Variants in PTPRD observed in about 807,000 individuals in gnomAD.
PTPRD encodes the protein receptor-type tyrosine-protein phosphatase delta.
A neutral mutation model predicts 214.5 loss-of-function variants in PTPRD; 34 were observed. The observed-to-expected ratio is 0.16, with a 90% CI of 0.12 to 0.21. The LOEUF is 0.21. Among genes scored for constraint, PTPRD ranks in the 10% least tolerant of loss-of-function variants. The probability of loss-of-function intolerance (pLI) is 1.00; values close to 1 mark genes in which losing one functional copy is unlikely to be tolerated. For missense variants in PTPRD, 2,545 were observed against 2,398.7 expected, an observed-to-expected ratio of 1.06 and a Z score of -1.27; for synonymous variants, 1,128 against 845.7, an observed-to-expected ratio of 1.33 and a Z score of -5.79.
intron 12 of PTPRD, among the ~76,000 whole-genome samples, chr9:8,683,952 C>G (rs995329915): frequency 1.3e-5 from 2 of 152,114 alleles, no homozygotes; most frequent in African/African-American, 4.8e-5. Flanking sequence ...TCTGAGGAGT[C>G]CTAACTGTAC....
chr9:8,712,945 C>T (rs13294608), intron 12 of PTPRD, among the ~76,000 whole-genome samples: 46,680 of 152,076 alleles, frequency 0.31, 7,402 homozygotes, highest in Non-Finnish European at 0.34. Context: ...TCTCAAACTC[C>T]TGACCTCAGG....
chr9:8,616,110 T>C (rs905803230), intron 14 of PTPRD, among the ~76,000 whole-genome samples: 1 of 152,176 alleles, frequency 6.6e-6, no homozygotes, highest in Admixed American at 6.6e-5. Flanking sequence ...AAGTGAATTG[T>C]TGATCTACTA....
Position 8,317,604 on chromosome 9 carries a change from T to G in PTPRD, c.*270A>C. 1 of 330,036 alleles carries G rather than the reference T, an allele frequency of 3.0e-6. No homozygotes were observed. The highest frequency in any genetic ancestry group is 5.8e-6 in the Non-Finnish European group (1 of 173,390). The allele number at this position is 330,036 out of a possible 1,614,324, so 20.4% of individuals were successfully genotyped here. A position where few individuals can be genotyped will look rare whatever the true frequency, so the allele number is the denominator to read the frequency against. On this transcript the variant is annotated 3_prime_UTR_variant, in exon 46 of 46. Transcript: ENST00000381196. Reference sequence around the variant, plus strand: ...TGCTGTGATTTCTTCTTCCCTTGATTTTGAATCCTTGAGGTATCTGTAAAT... The same window carrying G: ...TGCTGTGATTTCTTCTTCCCTTGATGTTGAATCCTTGAGGTATCTGTAAAT...
chr9:9,112,913 C>T (rs532193515), intron 10 of PTPRD, among the ~76,000 whole-genome samples: 2 of 151,726 alleles, frequency 1.3e-5, no homozygotes, highest in Admixed American at 1.3e-4. Context: ...GTTTTTCTTT[C>T]TCTGATAAGA....
In PTPRD at chr9:9,773,937, T is replaced by C. The variant is rs573369465; in HGVS notation, c.-367-7086A>G. 5.9e-5 allele frequency among the ~76,000 whole-genome samples: 9 copies of C among 151,496 alleles called. 1 individual carries two copies. The South Asian group carries it at 1.9e-3, about 31-fold the overall frequency. On this transcript the variant is annotated intron_variant, in intron 5 of 45. Transcript: ENST00000381196. ...TCTTTAAATTATTTTTCCACCATAATATTATATTGCCTGTACAGGCAATGT... is the reference window on the plus strand; with the variant it reads ...TCTTTAAATTATTTTTCCACCATAACATTATATTGCCTGTACAGGCAATGT...
At chr9:8,364,418 G>A (rs1356390179) in intron 39 of PTPRD, among the ~76,000 whole-genome samples, 5 of 152,136 alleles carry the variant, frequency 3.3e-5, no homozygotes, top group Admixed American at 6.5e-5. Flanking sequence ...CTACTTTATC[G>A]AATAGAAGAG....
chr9:10,226,996 C>T lies in PTPRD; in HGVS notation c.-545+113967G>A, dbSNP rs191204743. Among the ~76,000 whole-genome samples the T allele has an allele frequency of 1.7e-3, 262 of 151,972 alleles. 2 individuals are homozygous for T. Among genetic ancestry groups the T allele is most frequent in the Non-Finnish European group, 1.7e-3 (113 of 67,912 alleles). ...TAGAGGACTGATGAAATATAAACGACGTTGGCAAAATTATCAAAACTCTGC... is the reference window on the plus strand; with the variant it reads ...TAGAGGACTGATGAAATATAAACGATGTTGGCAAAATTATCAAAACTCTGC... On this transcript the variant is annotated intron_variant, in intron 3 of 45. Transcript: ENST00000381196.
intron 11 of PTPRD, among the ~76,000 whole-genome samples, chr9:8,843,290 T>C (rs980231070): frequency 1.3e-5 from 2 of 152,256 alleles, no homozygotes; most frequent in Non-Finnish European, 2.9e-5. Flanking sequence ...ATGCACAGAA[T>C]CTGTTATCAA....
In PTPRD at chr9:8,340,272, T is replaced by C. The variant is rs1851264418; in HGVS notation, c.5253+71A>G. ...AAAAAATGATCTAGCACAAGAGTTA[T>C]TGAAACAAAGTCTTCATTTCTCCAC... is the stretch of plus-strand genomic sequence containing the variant. On this transcript the variant is annotated intron_variant, in intron 42 of 45. Coordinates refer to ENST00000381196, the MANE Select transcript of PTPRD (RefSeq NM_002839.4). The C allele has an allele frequency of 2.7e-6, 4 of 1,472,128 alleles. No homozygotes were observed. In the African/African-American group the frequency reaches 4.1e-5, roughly 15 times the overall value. The allele number at this position is 1,472,128 out of a possible 1,614,324, so 91.2% of individuals were successfully genotyped here.
intron 3 of PTPRD, among the ~76,000 whole-genome samples, chr9:10,046,638 A>C (rs1165004795): frequency 2.6e-5 from 4 of 151,972 alleles, no homozygotes; most frequent in African/African-American, 9.7e-5. Flanking sequence ...CAACTATGCA[A>C]TGGTTTGTTT....
At chr9:8,897,895 A>G (rs1427699708) in intron 11 of PTPRD, among the ~76,000 whole-genome samples, 1 of 152,200 alleles carries the variant, frequency 6.6e-6, no homozygotes, top group Non-Finnish European at 1.5e-5. Context: ...CCATCTGCCT[A>G]TATCATGGAA....
intron 39 of PTPRD, among the ~76,000 whole-genome samples, chr9:8,367,067 G>A (rs978038866): frequency 2.0e-5 from 3 of 152,142 alleles, no homozygotes; most frequent in Non-Finnish European, 4.4e-5. Context: ...CTGGAGCCAA[G>A]CGTATGGTTT....
chr9:10,506,229 G>A (rs896567054), intron 2 of PTPRD, among the ~76,000 whole-genome samples: 1 of 152,030 alleles, frequency 6.6e-6, no homozygotes, highest in Non-Finnish European at 1.5e-5. Flanking sequence ...AACATTTTGA[G>A]ATAATTTTAG....
chr9:9,602,980 G>A (rs904894888), intron 7 of PTPRD, among the ~76,000 whole-genome samples: 4 of 151,884 alleles, frequency 2.6e-5, no homozygotes, highest in African/African-American at 9.7e-5. Flanking sequence ...TATTTTGAAA[G>A]ATTAGGTTGT....
chr9:9,396,275 A>G (rs2141133758), intron 9 of PTPRD, among the ~76,000 whole-genome samples: 1 of 152,146 alleles, frequency 6.6e-6, no homozygotes, highest in Admixed American at 6.6e-5. Flanking sequence ...AGTTATTTAT[A>G]TACTACCTTA....
chr9:10,078,572 T>A (rs566394327), intron 3 of PTPRD, among the ~76,000 whole-genome samples: 32 of 148,578 alleles, frequency 2.2e-4, no homozygotes, highest in African/African-American at 7.4e-4. Flanking sequence ...TATGTAGCCC[T>A]CTACTCATTG....
intron 11 of PTPRD, among the ~76,000 whole-genome samples, chr9:8,938,315 G>A (rs1174592896): frequency 6.6e-6 from 1 of 151,922 alleles, no homozygotes; most frequent in Non-Finnish European, 1.5e-5. Flanking sequence ...AGAGAGAAGA[G>A]GAGAGAACAC....
chr9:10,472,717 G>A (rs1249845409), intron 2 of PTPRD, among the ~76,000 whole-genome samples: 2 of 151,964 alleles, frequency 1.3e-5, no homozygotes. Context: ...CTGTACCTAG[G>A]TAGCTAGAAT....
chr9:9,008,001 C>T lies in PTPRD; in HGVS notation c.-104+10696G>A, dbSNP rs1198529306. On this transcript the variant is annotated intron_variant, in intron 11 of 45. Transcript: ENST00000381196. ...GGTTAGTTACATATGTATACATGTG[C>T]CGTGCTGGTGCGCTGTACCCATTAA... Among the ~76,000 whole-genome samples the T allele has an allele frequency of 3.5e-4, 49 of 139,994 alleles. 5 individuals carry two copies. The highest frequency in any genetic ancestry group is 1.2e-3 in the African/African-American group (47 of 38,752). The allele number at this position is 139,994 out of a possible 152,430, so 91.8% of individuals were successfully genotyped here. A position where few individuals can be genotyped will look rare whatever the true frequency, so the allele number is the denominator to read the frequency against.
Sources: gnomAD v4.1 joint callset for allele counts (sites outside exome capture counted in the v4.1 genomes callset) on GRCh38, gnomAD v4.1.1 for gene constraint, MANE v1.5 for transcripts, NCBI Gene and HGNC (gene_info 2026-07-23, HGNC 2026-07-21) for gene names.